The following DLGAP1 variants were observed in gnomAD, a reference collection of about 807,000 sequenced individuals.
DLGAP1 encodes the protein disks large-associated protein 1.
In DLGAP1, 11 loss-of-function variants were observed where a neutral mutation model predicts 90.8. That is an observed-to-expected ratio of 0.12 (90% CI 0.08 to 0.20). The LOEUF (loss-of-function observed/expected upper bound fraction) is 0.20. DLGAP1 is among the 10% of genes least tolerant of loss of function. The probability of loss-of-function intolerance (pLI) is 1.00; values close to 1 mark genes in which losing one functional copy is unlikely to be tolerated. For synonymous variants in DLGAP1, 558 were observed against 540.7 expected, an observed-to-expected ratio of 1.03 and a Z score of -0.44; for missense variants, 1,050 against 1,333.8, an observed-to-expected ratio of 0.79 and a Z score of 3.31.
chr18:4,090,536 G>A (rs762147358), intron 2 of DLGAP1, among the ~76,000 whole-genome samples: 5 of 152,024 alleles, frequency 3.3e-5, no homozygotes, highest in East Asian at 3.8e-4. Context: ...AATTAAAACC[G>A]CAATGAGATA....
At chr18:3,615,945 G>A (rs1568310487) in intron 7 of DLGAP1, among the ~76,000 whole-genome samples, 1 of 152,174 alleles carries the variant, frequency 6.6e-6, no homozygotes, top group Non-Finnish European at 1.5e-5. Context: ...CCTTAACTCC[G>A]AGGGATATTT....
chr18:3,940,132 A>G (rs1295373842), intron 3 of DLGAP1, among the ~76,000 whole-genome samples: 1 of 152,194 alleles, frequency 6.6e-6, no homozygotes, highest in Non-Finnish European at 1.5e-5. Flanking sequence ...GCCATGTTGT[A>G]AGGAAACTCA....
At chr18:4,388,538 G>A (rs2082281305) in intron 1 of DLGAP1, among the ~76,000 whole-genome samples, 1 of 152,064 alleles carries the variant, frequency 6.6e-6, no homozygotes, top group Non-Finnish European at 1.5e-5. Context: ...TTAGGACAAT[G>A]GCATTTAAGG....
intron 1 of DLGAP1, among the ~76,000 whole-genome samples, chr18:4,363,086 C>T (rs1279979430): frequency 6.6e-6 from 1 of 152,050 alleles, no homozygotes; most frequent in Non-Finnish European, 1.5e-5. Flanking sequence ...GCATACTGAC[C>T]TAAGATTTAC....
At chr18:3,856,860 C>G (rs1248499804) in intron 4 of DLGAP1, among the ~76,000 whole-genome samples, 1 of 151,404 alleles carries the variant, frequency 6.6e-6, no homozygotes, top group Non-Finnish European at 1.5e-5. Context: ...GACTCCGTCC[C>G]CCTCCAAAAA....
chr18:4,123,327 C>G (rs369231323), intron 2 of DLGAP1, among the ~76,000 whole-genome samples: 1 of 151,826 alleles, frequency 6.6e-6, no homozygotes, highest in Non-Finnish European at 1.5e-5. Flanking sequence ...AAATGTAGGC[C>G]GAGGAAACTG....
intron 1 of DLGAP1, among the ~76,000 whole-genome samples, chr18:4,192,515 T>C (rs1040299535): frequency 2.6e-5 from 4 of 152,206 alleles, no homozygotes; most frequent in Non-Finnish European, 5.9e-5. Flanking sequence ...TAACTTGAAG[T>C]TCCCCTCTAC....
chr18:3,682,508 A>T (rs1409461926), intron 7 of DLGAP1, among the ~76,000 whole-genome samples: 1 of 152,234 alleles, frequency 6.6e-6, no homozygotes, highest in African/African-American at 2.4e-5. Flanking sequence ...AATACACGAG[A>T]AAAGAAGTTG....
At chr18:4,399,842 G>C in intron 1 of DLGAP1, among the ~76,000 whole-genome samples, 1 of 152,124 alleles carries the variant, frequency 6.6e-6, no homozygotes, top group Non-Finnish European at 1.5e-5. Flanking sequence ...TATTTCCCAA[G>C]ACCTGCCTTC....
intron 5 of DLGAP1, among the ~76,000 whole-genome samples, chr18:3,787,086 AG>A (rs1374829665): frequency 5.9e-5 from 9 of 152,096 alleles, no homozygotes; most frequent in Non-Finnish European, 1.3e-4. Flanking sequence ...AAGAGAACTT[AG>A]GTTTCTAAAA....
intron 4 of DLGAP1, among the ~76,000 whole-genome samples, chr18:3,870,025 G>A (rs1200897651): frequency 1.3e-5 from 2 of 152,170 alleles, no homozygotes; most frequent in East Asian, 1.9e-4. Flanking sequence ...CAGTCAGAGC[G>A]CCTGAATCCC....
At chr18:3,835,680 T>C (rs910724701) in intron 4 of DLGAP1, among the ~76,000 whole-genome samples, 7 of 151,962 alleles carry the variant, frequency 4.6e-5, no homozygotes, top group Non-Finnish European at 1.0e-4. Flanking sequence ...TATCCTCCTT[T>C]CTAACATAAA....
chr18:4,254,374 C>T (rs1006491477), intron 1 of DLGAP1, among the ~76,000 whole-genome samples: 9 of 150,782 alleles, frequency 6.0e-5, no homozygotes, highest in African/African-American at 2.2e-4. Flanking sequence ...CAGTTATGCC[C>T]AAAGAAAGTA....
intron 1 of DLGAP1, among the ~76,000 whole-genome samples, chr18:4,187,758 G>A (rs1419599348): frequency 2.6e-5 from 4 of 152,106 alleles, no homozygotes; most frequent in African/African-American, 7.2e-5. Context: ...AGCAATTTGG[G>A]AGGCTGAGGT....
chr18:4,195,364 G>A (rs1546708), intron 1 of DLGAP1, among the ~76,000 whole-genome samples: 21,966 of 151,996 alleles, frequency 0.14, 1,699 homozygotes, highest in South Asian at 0.27. Context: ...CTAAGCCTAC[G>A]AATAGGCATA....
chr18:4,099,199 C>T (rs370233976), intron 2 of DLGAP1, among the ~76,000 whole-genome samples: 67 of 152,256 alleles, frequency 4.4e-4, no homozygotes, highest in Middle Eastern at 3.4e-3. Context: ...TATTTCTACA[C>T]CTCAGCTGCT....
rs1243932936 is a variant in DLGAP1 at position 3,711,739 on chromosome 18, T to G, written c.1591+17396A>C. Among the ~76,000 whole-genome samples, 1 of 152,070 alleles carries G rather than the reference T, an allele frequency of 6.6e-6. No homozygotes were observed. Among genetic ancestry groups the G allele is most frequent in the Non-Finnish European group, 1.5e-5 (1 of 68,020 alleles). On this transcript the variant is annotated intron_variant, in intron 7 of 12. Coordinates refer to ENST00000315677, the MANE Select transcript of DLGAP1 (RefSeq NM_004746.4). This position sits in a 1 kb window ranked among gnomAD's most constrained non-coding sequence, Gnocchi z 4.0. ...CTGTGGTCCCAGCTACTTGGGAGGCTCAGGTGGGAGGCTTGCTTGAGCCCG... is the reference window on the plus strand; with the variant it reads ...CTGTGGTCCCAGCTACTTGGGAGGCGCAGGTGGGAGGCTTGCTTGAGCCCG...
chr18:3,831,051 T>C (rs143093833), intron 4 of DLGAP1, among the ~76,000 whole-genome samples: 1 of 152,300 alleles, frequency 6.6e-6, no homozygotes, highest in Non-Finnish European at 1.5e-5. Context: ...ACAGGGATCA[T>C]GGAGGAACAC....
chr18:4,434,090 C>T (rs2083347398), intron 1 of DLGAP1, among the ~76,000 whole-genome samples: 1 of 152,050 alleles, frequency 6.6e-6, no homozygotes, highest in African/African-American at 2.4e-5. Context: ...AAAGGTATCC[C>T]TTTCCTAAAG....
Sources: allele counts gnomAD v4.1 joint callset (sites outside exome capture counted in the v4.1 genomes callset), GRCh38; gene constraint gnomAD v4.1.1; non-coding constraint Gnocchi (gnomAD v3.1); transcripts MANE v1.5; gene names NCBI Gene and HGNC (gene_info 2026-07-23, HGNC 2026-07-21).